The following GPAM variants were observed in gnomAD, a reference collection of about 807,000 sequenced individuals.
GPAM encodes the protein glycerol-3-phosphate acyltransferase 1, mitochondrial.
Under a neutral mutation model 105.0 loss-of-function variants are expected in GPAM, and 56 were observed. The observed-to-expected ratio is 0.53, with a 90% confidence interval of 0.43 to 0.67. GPAM has a LOEUF of 0.67. Among genes scored for constraint, GPAM ranks in the 30% least tolerant of loss-of-function variants. The pLI is 0.00. For synonymous variants in GPAM, 368 were observed against 354.4 expected, an observed-to-expected ratio of 1.04 and a Z score of -0.43; for missense variants, 855 against 989.8, an observed-to-expected ratio of 0.86 and a Z score of 1.83.
intron 11 of GPAM, 79 bp downstream of exon 11, chr10:112,168,233 C>G: frequency 2.3e-6 from 2 of 885,796 alleles, no homozygotes; most frequent in South Asian, 2.8e-5. Flanking sequence ...ATTCTTAATT[C>G]TAAAAGCAAA....
chr10:112,199,089 ATG>A (rs34627276), intron 1 of GPAM, among the ~76,000 whole-genome samples: 21,454 of 134,714 alleles, frequency 0.16, 1,666 homozygotes, highest in Middle Eastern at 0.2. Flanking sequence ...CGCCTGGCTA[ATG>A]TGTGTGTGTG....
At chr10:112,222,208 T>A in the GPAM span, among the ~76,000 whole-genome samples, 2 of 152,232 alleles carry the variant, frequency 1.3e-5, no homozygotes, top group Non-Finnish European at 2.9e-5. Flanking sequence ...CTATTTTTTA[T>A]AATGAATTGA....
the GPAM span, among the ~76,000 whole-genome samples, chr10:112,221,914 C>T: frequency 2.6e-5 from 4 of 152,064 alleles, no homozygotes; most frequent in Non-Finnish European, 4.4e-5. Flanking sequence ...AATAAGAAAA[C>T]GAGACTCACA....
chr10:112,213,556 G>A (rs982811552), intron 1 of GPAM, among the ~76,000 whole-genome samples: 1 of 152,178 alleles, frequency 6.6e-6, no homozygotes, highest in East Asian at 1.9e-4. Flanking sequence ...TCTGGTGGGG[G>A]CAATGGATCA....
intron 1 of GPAM, among the ~76,000 whole-genome samples, chr10:112,210,296 C>T (rs1489982725): frequency 6.6e-6 from 1 of 152,190 alleles, no homozygotes; most frequent in Non-Finnish European, 1.5e-5. Flanking sequence ...TGTTGCATAG[C>T]ATCTCTGTCC....
intron 1 of GPAM, among the ~76,000 whole-genome samples, chr10:112,191,032 G>A (rs191076818): frequency 1.4e-3 from 208 of 152,276 alleles, no homozygotes; most frequent in Non-Finnish European, 2.8e-4. Context: ...TAAACTTCCT[G>A]GGCTCAAGCA....
In GPAM at chr10:112,180,511, C is replaced by A; in HGVS notation, c.187G>T (p.Val63Phe). 6.2e-7 allele frequency: 1 copy of A among 1,613,736 alleles called. No individual in the cohort carries two copies. The highest frequency in any genetic ancestry group is 8.5e-7 in the Non-Finnish European group (1 of 1,179,668). Residue 63 changes from valine (V) to phenylalanine (F), a missense_variant, in exon 4 of 22, where the codon GTT becomes TTT. By Grantham distance (50) the Val-to-Phe change is conservative. Transcript: ENST00000348367. The stretch of plus-strand genomic sequence containing the variant: ...GTGCAGGAGTAACAACATCTTCCAA[C>A]AAATGGCCTTTTCCGACTCATTAGG... Reference protein sequence around the residue: ...ESLMSRKRPFVGRCCYSCTPQ... With the variant: ...ESLMSRKRPFFGRCCYSCTPQ...
In GPAM at chr10:112,168,969, C is replaced by T. The variant is rs746828378; in HGVS notation, c.795-17G>A. ...ATCAAGGTACTATAAATTCAGAATA[C>T]ATGAATTATTTACAAAGAAAAATGT... On this transcript the variant is annotated splice_polypyrimidine_tract_variant and intron_variant, in intron 9 of 21. Transcript: ENST00000348367. The T allele has an allele frequency of 7.8e-6, 11 of 1,416,260 alleles. No homozygotes were observed. Among genetic ancestry groups the T allele is most frequent in the Non-Finnish European group, 1.1e-5 (11 of 999,630 alleles). 87.7% of individuals were successfully genotyped at this position (1,416,260 alleles called of 1,614,324 possible).
intron 1 of GPAM, among the ~76,000 whole-genome samples, chr10:112,211,631 G>A (rs187319700): frequency 8.9e-4 from 135 of 152,268 alleles, no homozygotes; most frequent in African/African-American, 3.0e-3. Flanking sequence ...TCAACTGCAA[G>A]TTCCACAAGG....
intron 2 of GPAM, among the ~76,000 whole-genome samples, chr10:112,182,424 T>C (rs1039203173): frequency 1.3e-5 from 2 of 152,222 alleles, no homozygotes; most frequent in African/African-American, 4.8e-5. Context: ...TATTTTGAAA[T>C]ATCTGATGTA....
At chr10:112,185,734 C>G (rs1847588597), upstream of GPAM, among the ~76,000 whole-genome samples, 1 of 152,000 alleles carries the variant, frequency 6.6e-6, no homozygotes, top group Non-Finnish European at 1.5e-5. Flanking sequence ...GATTGTGCCA[C>G]TGCACTCCAG....
intron 1 of GPAM, among the ~76,000 whole-genome samples, chr10:112,195,638 C>A (rs552571774): frequency 2.6e-5 from 4 of 152,350 alleles, no homozygotes; most frequent in Admixed American, 2.0e-4. Context: ...TAGAATTAAT[C>A]ATTTAATATC....
upstream of GPAM, among the ~76,000 whole-genome samples, chr10:112,186,070 C>G (rs556826277): frequency 6.6e-6 from 1 of 151,758 alleles, no homozygotes; most frequent in African/African-American, 2.4e-5. Flanking sequence ...GAAAACCATA[C>G]CAAGAAACAT....
intron 15 of GPAM, among the ~76,000 whole-genome samples, chr10:112,161,181 T>C (rs1847117048): frequency 6.6e-6 from 1 of 152,172 alleles, no homozygotes; most frequent in Admixed American, 6.5e-5. Context: ...TTAGCAAAAT[T>C]TCCTTCATTT....
intron 1 of GPAM, among the ~76,000 whole-genome samples, chr10:112,194,015 C>A (rs1235299858): frequency 6.6e-6 from 1 of 152,158 alleles, no homozygotes; most frequent in African/African-American, 2.4e-5. Flanking sequence ...AATACAGTAA[C>A]AAACGTCTTA....
chr10:112,177,122 G>A (rs998802398), intron 5 of GPAM, among the ~76,000 whole-genome samples: 11 of 152,052 alleles, frequency 7.2e-5, no homozygotes, highest in African/African-American at 2.7e-4. Flanking sequence ...GAGAGAGAGA[G>A]ACCAGCAGCC....
intron 1 of GPAM, among the ~76,000 whole-genome samples, chr10:112,208,524 G>A (rs1012311936): frequency 1.3e-5 from 2 of 152,104 alleles, no homozygotes; most frequent in African/African-American, 4.8e-5. Context: ...TAAGTGTCTT[G>A]GGGAAGTGAA....
At position 112,180,603 on chromosome 10, in the gene GPAM, A is replaced by T; in HGVS notation, c.103-8T>A. 1 of 1,604,930 alleles carries T rather than the reference A, an allele frequency of 6.2e-7. No individual in the cohort carries two copies. Among genetic ancestry groups the T allele is most frequent in the East Asian group, 2.2e-5 (1 of 44,822 alleles). On this transcript the variant is annotated splice_polypyrimidine_tract_variant and splice_region_variant and intron_variant, in intron 3 of 21. Transcript: ENST00000348367. ...TCTAAAGCCACACTCACCCTGACAA[A>T]TATTAAGAAAAAAATATAGTTTCTA...
chr10:112,192,331 G>A (rs1331711615), intron 1 of GPAM, among the ~76,000 whole-genome samples: 1 of 152,152 alleles, frequency 6.6e-6, no homozygotes, highest in Non-Finnish European at 1.5e-5. Context: ...AATGGCATAT[G>A]GTATGTAGGG....
Sources: gnomAD v4.1 joint callset for allele counts (sites outside exome capture counted in the v4.1 genomes callset) on GRCh38, gnomAD v4.1.1 for gene constraint, MANE v1.5 for transcripts, NCBI Gene and HGNC (gene_info 2026-07-23, HGNC 2026-07-21) for gene names.